WARS1: variants seen among roughly 807,000 people sequenced by gnomAD.
WARS1 encodes tryptophanyl-tRNA synthetase 1, also known as tryptophan--tRNA ligase, cytoplasmic.
WARS1 carries 17 observed loss-of-function variants against 47.8 expected under a neutral mutation model. The observed-to-expected ratio is 0.36, with a 90% CI of 0.24 to 0.53. The LOEUF (loss-of-function observed/expected upper bound fraction) is 0.53. WARS1 is among the 20% of genes least tolerant of loss of function. WARS1 has a pLI of 0.91. For synonymous variants in WARS1, 208 were observed against 228.1 expected, an observed-to-expected ratio of 0.91 and a Z score of 0.79; for missense variants, 434 against 608.0, an observed-to-expected ratio of 0.71 and a Z score of 3.01.
chr14:100,352,985 G>A (rs916700276), intron 6 of WARS1: 3 of 152,220 alleles, frequency 2.0e-5, no homozygotes, highest in Admixed American at 6.5e-5. Context: ...GAAAAGGTGC[G>A]TTGAAAAGGA....
chr14:100,360,448 T>G (rs1475650767), intron 4 of WARS1, 106 bp downstream of exon 4: 9 of 788,976 alleles, frequency 1.1e-5, no homozygotes, highest in Non-Finnish European at 1.2e-5. Context: ...CAGCTGGCCA[T>G]CACTTTTCCC....
At chr14:100,367,416 C>T (rs60798303) in intron 2 of WARS1, among the ~76,000 whole-genome samples, 4,944 of 151,786 alleles carry the variant, frequency 0.033, 115 homozygotes, top group East Asian at 0.078. Flanking sequence ...AGTGAAACCC[C>T]GTCTCTACTA....
chr14:100,370,819 T>G (rs901763856), intron 1 of WARS1, among the ~76,000 whole-genome samples: 4 of 150,872 alleles, frequency 2.7e-5, no homozygotes, highest in Non-Finnish European at 5.9e-5. Flanking sequence ...GTGGTGGGCC[T>G]GTAATCCCAG....
rs1595394627 is a variant in WARS1 at position 100,334,714 on chromosome 14, A to G, written c.*161T>C. On this transcript the variant is annotated 3_prime_UTR_variant, in exon 11 of 11. Transcript: ENST00000392882. ...ATAAGAGATAGAAATAATGGAACTC[A>G]CAGGAAGAAACAGTATTGATAACAT... The G allele has an allele frequency of 2.7e-6, 2 of 733,498 alleles. No individual in the cohort carries two copies. Among genetic ancestry groups the G allele is most frequent in the Non-Finnish European group, 4.3e-6 (2 of 465,484 alleles). 45.4% of individuals were successfully genotyped at this position (733,498 alleles called of 1,614,324 possible).
intron 6 of WARS1, among the ~76,000 whole-genome samples, chr14:100,352,159 T>C (rs1157342088): frequency 7.6e-6 from 1 of 131,316 alleles, no homozygotes; most frequent in African/African-American, 2.8e-5. Flanking sequence ...TTGCCCAGGC[T>C]GGAATGCAGT....
intron 4 of WARS1, among the ~76,000 whole-genome samples, chr14:100,356,398 TGG>T (rs57891102): frequency 0.074 from 7,873 of 106,338 alleles, 714 homozygotes; most frequent in African/African-American, 0.21. Flanking sequence ...TGTGTGTGTG[TGG>T]GGGGGGGTGT....
chr14:100,354,706 T>C (rs1895201949), intron 4 of WARS1, 140 bp from the exon 5 acceptor site: 1 of 1,020,932 alleles, frequency 9.8e-7, no homozygotes, highest in Admixed American at 2.8e-5. Context: ...TTGGTGCTTA[T>C]GATATAAATA....
intron 8 of WARS1, 61 bp from the exon 9 acceptor site, chr14:100,342,632 G>C: frequency 6.7e-7 from 1 of 1,502,742 alleles, no homozygotes; most frequent in Non-Finnish European, 9.0e-7. Flanking sequence ...TTTCAGCCAT[G>C]AGCAGTCCCT....
Position 100,353,824 on chromosome 14 carries a change from CGTCATCTG to C in WARS1, c.580_587del (p.Gln194GlyfsTer2). 1 of 1,614,114 alleles carries C rather than the reference CGTCATCTG, an allele frequency of 6.2e-7. No individual in the cohort carries two copies. Among genetic ancestry groups the C allele is most frequent in the Non-Finnish European group, 8.5e-7 (1 of 1,180,024 alleles). On this transcript the variant is annotated frameshift_variant, in exon 6 of 11. Coordinates refer to ENST00000392882, the MANE Select transcript of WARS1 (RefSeq NM_004184.4). LOFTEE classifies it high-confidence loss of function. Reference sequence around the variant, plus strand: ...CCTTCCACAGATACTTCTCGTCATCCGTCATCTGGATGACCAAGGGCACGTTAAATACA... The same window carrying C: ...CCTTCCACAGATACTTCTCGTCATCCGATGACCAAGGGCACGTTAAATACA...
At chr14:100,341,873 T>G (rs771734236) in intron 9 of WARS1, among the ~76,000 whole-genome samples, 28 of 152,198 alleles carry the variant, frequency 1.8e-4, no homozygotes, top group Non-Finnish European at 3.5e-4. Flanking sequence ...AGAGCAGTGC[T>G]GCTGATTCCT....
rs1025663679 is a variant in WARS1, at chr14:100,334,539, C to T, written c.*336G>A. On this transcript the variant is annotated 3_prime_UTR_variant, in exon 11 of 11. Transcript: ENST00000392882. ...GTCTTAAGAGTATACTTGGAACCCTCGGAGTCCTCCATGGACAAGAACAGG... is the reference window on the plus strand; with the variant it reads ...GTCTTAAGAGTATACTTGGAACCCTTGGAGTCCTCCATGGACAAGAACAGG... The T allele has an allele frequency of 2.9e-5, 6 of 209,578 alleles. No individual in the cohort carries two copies. The highest frequency in any genetic ancestry group is 2.1e-4 in the South Asian group (2 of 9,722). 13.0% of individuals were successfully genotyped at this position (209,578 alleles called of 1,614,324 possible).
chr14:100,369,275 G>GGGGGGGGGC lies in WARS1; in HGVS notation c.-73-18_-73-17insGCCCCCCCC. ...GAGTCAAGACTGGGGTGGGGGCGGG[G>GGGGGGGGGC]AAGGAGAGAGAGGAAAAACCAGAGG... On this transcript the variant is annotated splice_polypyrimidine_tract_variant and intron_variant, in intron 1 of 10. Coordinates refer to ENST00000392882, the MANE Select transcript of WARS1 (RefSeq NM_004184.4). 1 of 401,572 alleles carries GGGGGGGGGC rather than the reference G, an allele frequency of 2.5e-6. No homozygotes were observed. Among genetic ancestry groups the GGGGGGGGGC allele is most frequent in the Non-Finnish European group, 4.1e-6 (1 of 245,490 alleles). The allele number at this position is 401,572 out of a possible 1,614,324, so 24.9% of individuals were successfully genotyped here. A position where few individuals can be genotyped will look rare whatever the true frequency, so the allele number is the denominator to read the frequency against.
chr14:100,369,025 C>T (rs1243279177), intron 2 of WARS1, 62 bp downstream of exon 2: 8 of 1,273,580 alleles, frequency 6.3e-6, no homozygotes, highest in Middle Eastern at 2.0e-4. Context: ...TCTAGAGGAA[C>T]ACAACCCTAC....
chr14:100,374,896 C>T (rs1010152732), intron 1 of WARS1: 1 of 152,136 alleles, frequency 6.6e-6, no homozygotes, highest in Non-Finnish European at 1.5e-5. Context: ...AGATTGCTTT[C>T]CCCGCCAAAT....
At chr14:100,348,760 A>G (rs1199700990) in intron 6 of WARS1, among the ~76,000 whole-genome samples, 1 of 152,132 alleles carries the variant, frequency 6.6e-6, no homozygotes, top group African/African-American at 2.4e-5. Context: ...AACCCCTACA[A>G]GGAGGGAAAG....
At position 100,344,798 on chromosome 14, in the gene WARS1, G is replaced by A. The variant is rs528834692; in HGVS notation, c.827-1411C>T. Among the ~76,000 whole-genome samples the A allele has an allele frequency of 2.2e-3, 338 of 151,598 alleles. 1 individual carries two copies. Among genetic ancestry groups the A allele is most frequent in the African/African-American group, 7.8e-3 (323 of 41,326 alleles). ...CGACCCCATCCGGGAGGTGAGGAGC[G>A]TCTCTGCCCGGCCGCCCTGTCTGAG... On this transcript the variant is annotated intron_variant, in intron 7 of 10. Coordinates refer to ENST00000392882, the MANE Select transcript of WARS1 (RefSeq NM_004184.4).
At chr14:100,346,512 C>A (rs974751905) in intron 7 of WARS1, among the ~76,000 whole-genome samples, 1 of 152,208 alleles carries the variant, frequency 6.6e-6, no homozygotes, top group Non-Finnish European at 1.5e-5. Context: ...GAGGGACAGA[C>A]TCACATCCTG....
chr14:100,347,137 TC>T (rs1894674288), intron 6 of WARS1, among the ~76,000 whole-genome samples: 1 of 152,172 alleles, frequency 6.6e-6, no homozygotes, highest in Non-Finnish European at 1.5e-5. Context: ...ACAAGCAGAT[TC>T]AGAGACTTGC....
chr14:100,338,738 C>CT (rs1357434481), intron 9 of WARS1, among the ~76,000 whole-genome samples: 1 of 151,196 alleles, frequency 6.6e-6, no homozygotes, highest in East Asian at 2.0e-4. Context: ...CCAGTCTTAA[C>CT]TTTTTTTTAA....
Sources: allele counts gnomAD v4.1 joint callset (sites outside exome capture counted in the v4.1 genomes callset), GRCh38; gene constraint gnomAD v4.1.1; transcripts MANE v1.5; gene names NCBI Gene and HGNC (gene_info 2026-07-23, HGNC 2026-07-21).